Variants in AGBL1 observed in about 807,000 individuals in gnomAD.
AGBL1 encodes the protein AGBL carboxypeptidase 1, also known as cytosolic carboxypeptidase 4.
A neutral mutation model predicts 118.9 loss-of-function variants in AGBL1; 130 were observed. That is an observed-to-expected ratio of 1.09 (90% CI 0.95 to 1.26). AGBL1 has a LOEUF of 1.26. AGBL1 is among the 50% of genes most tolerant of loss of function. AGBL1 has a pLI of 0.00. For missense variants in AGBL1, 1,584 were observed against 1,298.1 expected (o/e 1.22, Z -3.38); for synonymous variants, 555 against 478.9 (o/e 1.16, Z -2.08).
intron 24 of AGBL1, among the ~76,000 whole-genome samples, chr15:87,001,531 T>A (rs1176687114): frequency 2.0e-5 from 3 of 152,022 alleles, no homozygotes; most frequent in Non-Finnish European, 4.4e-5. Flanking sequence ...TATTTCTAGT[T>A]CTAGATCCTT....
intron 18 of AGBL1, among the ~76,000 whole-genome samples, chr15:86,437,761 C>T (rs1231714478): frequency 1.3e-5 from 2 of 152,182 alleles, no homozygotes; most frequent in African/African-American, 2.4e-5. Context: ...TCCTCCCACC[C>T]TTCTGTTTCT....
intron 22 of AGBL1, among the ~76,000 whole-genome samples, chr15:86,705,994 A>T (rs2086443030): frequency 6.6e-6 from 1 of 152,098 alleles, no homozygotes; most frequent in Non-Finnish European, 1.5e-5. Context: ...AAAAATAAAT[A>T]GTTTTTTAAG....
chr15:86,390,553 C>T (rs75308778), intron 17 of AGBL1, among the ~76,000 whole-genome samples: 3,768 of 151,394 alleles, frequency 0.025, 64 homozygotes, highest in Middle Eastern at 0.069. Flanking sequence ...CCTTGGAATA[C>T]GACTCAGTGA....
chr15:86,233,890 C>T lies in AGBL1; in HGVS notation c.526+8939C>T, dbSNP rs192608733. On this transcript the variant is annotated intron_variant, in intron 6 of 22. Transcript: ENST00000614907. ...GGATTTTACTGGCAGGCAGGATGGG[C>T]AGTATAATTCCACCTTCCCAAGGTG... Among the ~76,000 whole-genome samples, 57 of 152,190 alleles carry T rather than the reference C, an allele frequency of 3.7e-4. No homozygotes were observed. The South Asian group carries it at 0.011, about 29-fold the overall frequency.
At chr15:86,135,811 C>A (rs779317549) in intron 1 of AGBL1, among the ~76,000 whole-genome samples, 8 of 152,120 alleles carry the variant, frequency 5.3e-5, no homozygotes, top group South Asian at 4.1e-4. Context: ...TTTGGACTAG[C>A]GTCCAGATTG....
chr15:86,427,284 T>G (rs2142033263), intron 18 of AGBL1, among the ~76,000 whole-genome samples: 1 of 152,344 alleles, frequency 6.6e-6, no homozygotes, highest in Admixed American at 6.5e-5. Flanking sequence ...GTGCTAGACC[T>G]TTTTGTAATG....
In AGBL1 at chr15:86,380,665, G is replaced by T. The variant is rs16976565; in HGVS notation, c.2375-16701G>T. ...TTCTCTCTGTCTCTAAACCCTGCAA[G>T]AAAAAAGAAGTATTTCCATTAACTT... is the stretch of plus-strand genomic sequence containing the variant. On this transcript the variant is annotated intron_variant, in intron 17 of 22. Coordinates refer to ENST00000614907, the MANE Select transcript of AGBL1 (RefSeq NM_001386094.1). 4.6e-3 allele frequency among the ~76,000 whole-genome samples: 693 copies of T among 149,268 alleles called. 26 individuals carry two copies. In the East Asian group the frequency reaches 0.082, roughly 18 times the overall value.
rs960965539 is a variant in AGBL1 at position 86,154,566 on chromosome 15, G to A, written c.394+5G>A. The A allele has an allele frequency of 3.1e-6, 5 of 1,605,554 alleles. No individual in the cohort carries two copies. The Admixed American group carries it at 5.1e-5, about 16-fold the overall frequency. On this transcript the variant is annotated splice_donor_5th_base_variant and intron_variant, in intron 4 of 22. Coordinates refer to ENST00000614907, the MANE Select transcript of AGBL1 (RefSeq NM_001386094.1). The stretch of plus-strand genomic sequence containing the variant: ...TGCGTGTGTTTGCCTCCAGTGGTAA[G>A]TGACTCTATTGTGGCTCTCGGGGAT...
At chr15:86,169,000 T>A (rs2077378877) in intron 5 of AGBL1, among the ~76,000 whole-genome samples, 1 of 152,218 alleles carries the variant, frequency 6.6e-6, no homozygotes, top group South Asian at 2.1e-4. Flanking sequence ...TATAAACCAA[T>A]GTTGATGGAC....
chr15:86,660,465 C>G (rs1398256753), intron 21 of AGBL1, among the ~76,000 whole-genome samples: 3 of 152,152 alleles, frequency 2.0e-5, no homozygotes, highest in Non-Finnish European at 4.4e-5. Context: ...TCTACTTACA[C>G]TTTGGTAGGG....
chr15:86,194,984 AT>A (rs1171309475), intron 5 of AGBL1, among the ~76,000 whole-genome samples: 1 of 152,300 alleles, frequency 6.6e-6, no homozygotes, highest in East Asian at 1.9e-4. Flanking sequence ...ATGGGTATAA[AT>A]TCATTCTTTT....
chr15:86,212,902 G>A (rs142340049), intron 5 of AGBL1, among the ~76,000 whole-genome samples: 9 of 152,222 alleles, frequency 5.9e-5, no homozygotes, highest in African/African-American at 2.2e-4. Flanking sequence ...CACCCGCCTC[G>A]GCCTCCCAAA....
In AGBL1 at chr15:86,262,822, T is replaced by A; in HGVS notation, c.1014T>A (p.Pro338=). 6.2e-7 allele frequency: 1 copy of A among 1,611,318 alleles called. No homozygotes were observed. The highest frequency in any genetic ancestry group is 1.1e-5 in the South Asian group (1 of 90,038). The change falls in exon 10 of 23, where the codon CCT becomes CCA. Residue 338 remains proline, a synonymous_variant. Coordinates refer to ENST00000614907, the MANE Select transcript of AGBL1 (RefSeq NM_001386094.1). ...ACGTGAACAAGCTGAGTTCCAAACC[T>A]GGTCTTGACCGACCTGAAGAGGAAC... ...ETDVNKLSSK[P]GLDRPEEELM...
intron 22 of AGBL1, among the ~76,000 whole-genome samples, chr15:86,783,442 T>G (rs894589747): frequency 6.6e-6 from 1 of 152,250 alleles, no homozygotes; most frequent in African/African-American, 2.4e-5. Context: ...AGAAATGGTC[T>G]TCTTTTTCTT....
rs373797646 is a variant in AGBL1, at chr15:86,495,576, TG to T, written c.2556-27232del. ...TCTGTTTTTTGATGCCAGAAGGTCA[TG>T]GTAGAGGTAACTATTGTTGGAACGC... On this transcript the variant is annotated intron_variant, in intron 18 of 22. Transcript: ENST00000614907. 4.8e-3 allele frequency among the ~76,000 whole-genome samples: 736 copies of T among 152,064 alleles called. 8 individuals carry two copies. The highest frequency in any genetic ancestry group is 0.016 in the African/African-American group (645 of 41,540).
intron 1 of AGBL1, among the ~76,000 whole-genome samples, chr15:86,132,075 A>C (rs1461834464): frequency 6.6e-6 from 1 of 152,160 alleles, no homozygotes. Flanking sequence ...GGTAGGGAAG[A>C]CCATTACCCA....
intron 22 of AGBL1, among the ~76,000 whole-genome samples, chr15:86,876,865 T>A (rs1226888681): frequency 1.3e-5 from 2 of 152,164 alleles, no homozygotes; most frequent in Non-Finnish European, 2.9e-5. Context: ...AATGGAATAA[T>A]GATACCTATC....
At chr15:86,088,802 G>T (rs1895840248) in intron 1 of AGBL1, among the ~76,000 whole-genome samples, 1 of 152,126 alleles carries the variant, frequency 6.6e-6, no homozygotes, top group African/African-American at 2.4e-5. Flanking sequence ...ACTCAGAGAG[G>T]ATTTCTCTGA....
chr15:86,796,000 A>G (rs2078565247), intron 22 of AGBL1, among the ~76,000 whole-genome samples: 1 of 151,944 alleles, frequency 6.6e-6, no homozygotes, highest in Non-Finnish European at 1.5e-5. Flanking sequence ...CGTGTACATG[A>G]GGCACTCAAG....
Sources: gnomAD v4.1 joint callset for allele counts (sites outside exome capture counted in the v4.1 genomes callset) on GRCh38, gnomAD v4.1.1 for gene constraint, MANE v1.5 for transcripts, NCBI Gene and HGNC (gene_info 2026-07-23, HGNC 2026-07-21) for gene names.